Variants in PCGF5 observed in about 807,000 individuals in gnomAD.
PCGF5 encodes the protein polycomb group ring finger 5, also known as polycomb group RING finger protein 5.
In PCGF5, 9 loss-of-function variants were observed where a neutral mutation model predicts 44.3. That is an observed-to-expected ratio of 0.20 (90% confidence interval 0.12 to 0.35). The LOEUF (loss-of-function observed/expected upper bound fraction) is 0.35, where lower values mean the gene tolerates loss of function less well. Ranked by LOEUF, PCGF5 falls within the 10% of genes least tolerant of loss-of-function variation. The pLI is 1.00. For synonymous variants in PCGF5, 95 were observed against 102.5 expected, an observed-to-expected ratio of 0.93 and a Z score of 0.44; for missense variants, 146 against 305.3, an observed-to-expected ratio of 0.48 and a Z score of 3.89.
intron 6 of PCGF5, among the ~76,000 whole-genome samples, chr10:91,253,168 A>C (rs1163054489): frequency 6.6e-6 from 1 of 151,928 alleles, no homozygotes; most frequent in Non-Finnish European, 1.5e-5. Flanking sequence ...GTGTGGCTTC[A>C]ACTACGCAAA....
chr10:91,192,626 A>G (rs910181286), intron 1 of PCGF5, among the ~76,000 whole-genome samples: 7 of 152,256 alleles, frequency 4.6e-5, no homozygotes, highest in African/African-American at 1.7e-4. Flanking sequence ...TAAACAAAAC[A>G]ATGATTCTTG....
Position 91,232,062 on chromosome 10 carries a change from G to A in PCGF5, c.113-8422G>A, listed in dbSNP as rs118030613. 9.8e-5 allele frequency among the ~76,000 whole-genome samples: 15 copies of A among 152,306 alleles called. No homozygotes were observed. In the East Asian group the frequency reaches 2.9e-3, roughly 29 times the overall value. ...GGGAGGACCAAGGACTGAGCCCTGA[G>A]GTACCACTAAAAGGAGAAATCAGTG... On this transcript the variant is annotated intron_variant, in intron 2 of 9. Transcript: ENST00000336126.
chr10:91,271,508 T>C (rs1422813237), intron 8 of PCGF5, 130 bp from the exon 9 acceptor site: 2 of 636,546 alleles, frequency 3.1e-6, no homozygotes, highest in African/African-American at 1.9e-5. Flanking sequence ...CACCATTTTT[T>C]TGGAAAGTGT....
At chr10:91,245,739 C>T (rs959550517) in intron 3 of PCGF5, among the ~76,000 whole-genome samples, 3 of 151,970 alleles carry the variant, frequency 2.0e-5, no homozygotes, top group Non-Finnish European at 4.4e-5. Context: ...GTATGGTGGC[C>T]GGGGCCTGTG....
rs1846493423 is a variant in PCGF5 at position 91,283,175 on chromosome 10, T to G, written c.*4859T>G. ...TTTCCAATAATTTAAGTAATTCTCT[T>G]CCTAGTATAATACAGTTTTCATAAA... is the stretch of plus-strand genomic sequence containing the variant. On this transcript the variant is annotated 3_prime_UTR_variant, in exon 10 of 10. Coordinates refer to ENST00000336126, the MANE Select transcript of PCGF5 (RefSeq NM_032373.5). 1 of 152,212 alleles carries G rather than the reference T, an allele frequency of 6.6e-6. No individual in the cohort carries two copies. The highest frequency in any genetic ancestry group is 1.5e-5 in the Non-Finnish European group (1 of 68,034). The allele number at this position is 152,212 out of a possible 1,614,324, so 9.4% of individuals were successfully genotyped here.
At chr10:91,209,803 G>GAAAAAAAA (rs1844415518) in intron 1 of PCGF5, among the ~76,000 whole-genome samples, 1 of 632 alleles carries the variant, frequency 1.6e-3, no homozygotes, top group Non-Finnish European at 2.0e-3. Flanking sequence ...AAAGAAAAAC[G>GAAAAAAAA]AAGAAAGGAA....
upstream of PCGF5, among the ~76,000 whole-genome samples, chr10:91,161,290 T>C (rs74449979): frequency 0.015 from 2,289 of 152,370 alleles, 60 homozygotes; most frequent in African/African-American, 0.053. Context: ...CATTAAATTA[T>C]TGCTATTGAC....
Position 91,271,682 on chromosome 10 carries a change from T to C in PCGF5, c.708T>C (p.Asp236=), listed in dbSNP as rs774449150. Residue 236 remains aspartate (D), a synonymous_variant, in exon 9 of 10, where the codon GAT becomes GAC. Coordinates refer to ENST00000336126, the MANE Select transcript of PCGF5 (RefSeq NM_032373.5). ...NCSASQVCSQ[D]GPLYQSYPMV... ...CAGCTTCGCAAGTCTGCTCTCAGGATGGCCCTTTGTATCAGGTAAGAGGCA... is the reference window on the plus strand; with the variant it reads ...CAGCTTCGCAAGTCTGCTCTCAGGACGGCCCTTTGTATCAGGTAAGAGGCA... 1 of 1,613,896 alleles carries C rather than the reference T, an allele frequency of 6.2e-7. No homozygotes were observed. Among genetic ancestry groups the C allele is most frequent in the Non-Finnish European group, 8.5e-7 (1 of 1,179,814 alleles).
chr10:91,191,813 ACTGT>A (rs1269156592), intron 1 of PCGF5, among the ~76,000 whole-genome samples: 2 of 152,238 alleles, frequency 1.3e-5, no homozygotes, highest in East Asian at 3.8e-4. Context: ...GCAAAGTCTC[ACTGT>A]CTGTGAGCAT....
intron 1 of PCGF5, among the ~76,000 whole-genome samples, chr10:91,176,422 G>C (rs1238155734): frequency 6.6e-6 from 1 of 152,130 alleles, no homozygotes; most frequent in Non-Finnish European, 1.5e-5. Context: ...TATCTTTGTG[G>C]CATTCTCTGT....
intron 9 of PCGF5, among the ~76,000 whole-genome samples, chr10:91,275,607 ATTTTTTTT>A (rs72439811): frequency 1.6e-5 from 2 of 128,892 alleles, no homozygotes; most frequent in African/African-American, 6.1e-5. Context: ...TGCCCGGCTA[ATTTTTTTT>A]TTTTTTTTTT....
At chr10:91,224,587 G>C (rs1186229984) in intron 2 of PCGF5, among the ~76,000 whole-genome samples, 1 of 152,154 alleles carries the variant, frequency 6.6e-6, no homozygotes, top group Non-Finnish European at 1.5e-5. Flanking sequence ...TAGTGGGTCA[G>C]CCTCTTTGAT....
chr10:91,206,465 C>T (rs1844349696), intron 1 of PCGF5, among the ~76,000 whole-genome samples: 1 of 151,982 alleles, frequency 6.6e-6, no homozygotes, highest in Non-Finnish European at 1.5e-5. Context: ...AGGAATTAGG[C>T]AGAGTATGAG....
intron 1 of PCGF5, 55 bp from the exon 2 acceptor site, chr10:91,222,634 T>C: frequency 1.9e-6 from 1 of 520,654 alleles, no homozygotes; most frequent in Admixed American, 3.5e-5. Flanking sequence ...ATTAATACAT[T>C]ATGAGGAATT....
chr10:91,275,793 A>G (rs1378009196), intron 9 of PCGF5, among the ~76,000 whole-genome samples: 1 of 152,150 alleles, frequency 6.6e-6, no homozygotes, highest in Non-Finnish European at 1.5e-5. Context: ...GTGTTTATCA[A>G]AAAGCTCTTT....
At chr10:91,178,355 A>G (rs1275609677) in intron 1 of PCGF5, among the ~76,000 whole-genome samples, 1 of 151,868 alleles carries the variant, frequency 6.6e-6, no homozygotes, top group African/African-American at 2.4e-5. Flanking sequence ...TGGAGAGGTG[A>G]GGCAGGGTAT....
chr10:91,217,080 A>C (rs572614547), upstream of PCGF5, among the ~76,000 whole-genome samples: 21 of 151,994 alleles, frequency 1.4e-4, no homozygotes, highest in South Asian at 1.0e-3. Context: ...GTCGCCCAGG[A>C]TGGAGTGCAG....
chr10:91,236,169 T>C (rs1845157618), intron 2 of PCGF5, among the ~76,000 whole-genome samples: 1 of 152,186 alleles, frequency 6.6e-6, no homozygotes, highest in South Asian at 2.1e-4. Flanking sequence ...TGAGATGCAT[T>C]GCATAGTGGT....
At chr10:91,241,258 A>G (rs1180345881) in intron 3 of PCGF5, among the ~76,000 whole-genome samples, 2 of 151,936 alleles carry the variant, frequency 1.3e-5, no homozygotes, top group East Asian at 3.9e-4. Context: ...TAGTAGAGAC[A>G]GGGTTTCTCC....
Sources: allele counts gnomAD v4.1 joint callset (sites outside exome capture counted in the v4.1 genomes callset), GRCh38; gene constraint gnomAD v4.1.1; transcripts MANE v1.5; gene names NCBI Gene and HGNC (gene_info 2026-07-23, HGNC 2026-07-21).